Variants in VSIG10L observed in about 807,000 individuals in gnomAD.
VSIG10L encodes V-set and immunoglobulin domain containing 10 like, also known as V-set and immunoglobulin domain-containing protein 10-like.
Under a neutral mutation model 67.3 loss-of-function variants are expected in VSIG10L, and 63 were observed. The observed-to-expected ratio is 0.94, with a 90% CI of 0.76 to 1.15. The LOEUF (loss-of-function observed/expected upper bound fraction) is 1.15. Among genes scored for constraint, VSIG10L ranks in the 50% most tolerant of loss-of-function variants. The pLI is 0.00. For missense variants in VSIG10L, 1,050 were observed against 1,177.5 expected, an observed-to-expected ratio of 0.89 and a Z score of 1.58; for synonymous variants, 499 against 524.9, an observed-to-expected ratio of 0.95 and a Z score of 0.67.
At chr19:51,333,357 C>T (rs921426864) in intron 9 of VSIG10L, among the ~76,000 whole-genome samples, 7 of 152,066 alleles carry the variant, frequency 4.6e-5, no homozygotes, top group African/African-American at 1.7e-4. Flanking sequence ...GGTGAAATCC[C>T]GTCTGTACTA....
In VSIG10L at chr19:51,333,894, G is replaced by T. The variant is rs995660138; in HGVS notation, c.2471C>A (p.Thr824Asn). The T allele has an allele frequency of 5.2e-6, 8 of 1,551,730 alleles. No homozygotes were observed. Among genetic ancestry groups the T allele is most frequent in the Non-Finnish European group, 7.0e-6 (8 of 1,146,992 alleles). The stretch of plus-strand genomic sequence containing the variant: ...ACTATGCATCTTCTTTTCTGAGGGG[G>T]TGACCACGGGGACCAAGGTAGAAGG... ...KHPSTLVPVV[T>N]PSEKKMHSVT... The change falls in exon 9 of 10, where the codon ACC (threonine) becomes AAC (asparagine). Residue 824 changes from threonine (T) to asparagine (N), a missense_variant. Around this residue, in one of 3 missense-constraint regions of VSIG10L, gnomAD observed 529 missense variants for 584.9 expected, o/e 0.90. Coordinates refer to ENST00000335624, the MANE Select transcript of VSIG10L (RefSeq NM_001163922.3).
intron 4 of VSIG10L, chr19:51,339,806 T>A: frequency 1.9e-6 from 1 of 537,756 alleles, no homozygotes; most frequent in Admixed American, 4.7e-5. Flanking sequence ...GCCCCGCCTC[T>A]TATCCTAGGT....
At position 51,333,773 on chromosome 19, in the gene VSIG10L, G is replaced by A; in HGVS notation, c.2574+18C>T. On this transcript the variant is annotated intron_variant, in intron 9 of 9. Coordinates refer to ENST00000335624, the MANE Select transcript of VSIG10L (RefSeq NM_001163922.3). ...TTCCGCCCCGATTCCAGGAGGAAAT[G>A]AGGGCACCCACACTCACTTGGTAGG... 6.6e-7 allele frequency: 1 copy of A among 1,517,168 alleles called. No individual in the cohort carries two copies. The highest frequency in any genetic ancestry group is 8.8e-7 in the Non-Finnish European group (1 of 1,132,172). The allele number at this position is 1,517,168 out of a possible 1,614,324, so 94.0% of individuals were successfully genotyped here. A position where few individuals can be genotyped will look rare whatever the true frequency, so the allele number is the denominator to read the frequency against.
intron 7 of VSIG10L, 119 bp downstream of exon 7, chr19:51,337,119 G>A (rs150711365): frequency 8.0e-7 from 1 of 1,251,772 alleles, no homozygotes; most frequent in East Asian, 2.6e-5. Context: ...AGAAATTCCT[G>A]TAGTCTCAAG....
rs764861644 is a variant in VSIG10L at position 51,340,424 on chromosome 19, C to G, written c.1189+9G>C. 14 of 1,480,338 alleles carry G rather than the reference C, an allele frequency of 9.5e-6. 2 individuals carry two copies. In the South Asian group the frequency reaches 1.5e-4, roughly 16 times the overall value. The allele number at this position is 1,480,338 out of a possible 1,614,324, so 91.7% of individuals were successfully genotyped here. A position where few individuals can be genotyped will look rare whatever the true frequency, so the allele number is the denominator to read the frequency against. On this transcript the variant is annotated intron_variant, in intron 3 of 9. Transcript: ENST00000335624. This position sits in a 1 kb window ranked among gnomAD's most constrained non-coding sequence, Gnocchi z 6.3. ...CCCCTGTCCCCGACCCGAGGCATCC[C>G]CCACTCACAGAAGACGCTGACGTCG...
Position 51,333,529 on chromosome 19 carries a change from CAA to C in VSIG10L, c.2574+260_2574+261del, listed in dbSNP as rs1190779104. Among the ~76,000 whole-genome samples, 97 of 117,222 alleles carry C rather than the reference CAA, an allele frequency of 8.3e-4. No individual in the cohort carries two copies. The East Asian group carries it at 0.017, about 21-fold the overall frequency. 76.9% of individuals were successfully genotyped at this position (117,222 alleles called of 152,430 possible). A position where few individuals can be genotyped will look rare whatever the true frequency, so the allele number is the denominator to read the frequency against. On this transcript the variant is annotated intron_variant, in intron 9 of 9. Coordinates refer to ENST00000335624, the MANE Select transcript of VSIG10L (RefSeq NM_001163922.3). The stretch of plus-strand genomic sequence containing the variant: ...GGGCAACAAAGTGAGACTCTGTCTC[CAA>C]AAAAAAAAAAAAGAGAGAGAGAGAT...
intron 7 of VSIG10L, 108 bp downstream of exon 7, chr19:51,337,130 C>T: frequency 7.7e-7 from 1 of 1,302,904 alleles, no homozygotes. Context: ...TAGTCTCAAG[C>T]CATGCAGTTC....
Position 51,340,564 on chromosome 19 carries a change from G to T in VSIG10L, c.1058C>A (p.Thr353Lys), listed in dbSNP as rs745928126. Residue 353 changes from threonine to lysine, a missense_variant, in exon 3 of 10, where the codon ACG (threonine) becomes AAG (lysine). Coordinates refer to ENST00000335624, the MANE Select transcript of VSIG10L (RefSeq NM_001163922.3). This position sits in a 1 kb window ranked among gnomAD's most constrained non-coding sequence, Gnocchi z 6.3. ...GTCGCCCTCTGAGCGCATCCGGGGC[G>T]TCTCGGCTCCCTCCGATTCCGCCGC... ...LEAAESEGAE[T>K]PRMRSEGDQL... The T allele has an allele frequency of 2.0e-6, 3 of 1,535,730 alleles. No individual in the cohort carries two copies. The highest frequency in any genetic ancestry group is 1.2e-5 in the South Asian group (1 of 83,994).
intron 7 of VSIG10L, among the ~76,000 whole-genome samples, 182 bp downstream of exon 7, chr19:51,337,056 G>C (rs994218979): frequency 6.6e-6 from 1 of 152,158 alleles, no homozygotes; most frequent in Non-Finnish European, 1.5e-5. Flanking sequence ...GTGAGCCACC[G>C]CGCCCAGCCG....
chr19:51,332,491 G>T lies in VSIG10L; in HGVS notation c.*120C>A. On this transcript the variant is annotated 3_prime_UTR_variant, in exon 10 of 10. Coordinates refer to ENST00000335624, the MANE Select transcript of VSIG10L (RefSeq NM_001163922.3). ...TTTCAGGGTCCAACCCTCAGTCATA[G>T]CAGGCCCTGGCTGCTGCTGGAGTGA... 8.4e-7 allele frequency: 1 copy of T among 1,187,538 alleles called. No homozygotes were observed. Among genetic ancestry groups the T allele is most frequent in the Non-Finnish European group, 1.2e-6 (1 of 816,190 alleles). 73.6% of individuals were successfully genotyped at this position (1,187,538 alleles called of 1,614,324 possible). A position where few individuals can be genotyped will look rare whatever the true frequency, so the allele number is the denominator to read the frequency against.
chr19:51,332,500 G>C lies in VSIG10L; in HGVS notation c.*111C>G. ...CCAACCCTCAGTCATAGCAGGCCCT[G>C]GCTGCTGCTGGAGTGAAATAGGAAG... On this transcript the variant is annotated 3_prime_UTR_variant, in exon 10 of 10. Transcript: ENST00000335624. The C allele has an allele frequency of 7.8e-7, 1 of 1,286,620 alleles. No individual in the cohort carries two copies. The highest frequency in any genetic ancestry group is 2.0e-5 in the Admixed American group (1 of 50,638). 79.7% of individuals were successfully genotyped at this position (1,286,620 alleles called of 1,614,324 possible).
rs768950880 is a variant in VSIG10L, at chr19:51,340,677, C to T, written c.945G>A (p.Glu315=). ...AGCGCAGCCGGAGCTCGGCCGCCCC[C>T]TCCTCTGTCTCTGGAGCCTTGGGCT... ...SVQPKAPETE[E]GAAELRLRCL... Residue 315 remains glutamate (E), a synonymous_variant, in exon 3 of 10, where the codon GAG becomes GAA. Transcript: ENST00000335624. This position sits in a 1 kb window ranked among gnomAD's most constrained non-coding sequence, Gnocchi z 6.3. The T allele has an allele frequency of 1.0e-5, 16 of 1,527,368 alleles. No individual in the cohort carries two copies. The highest frequency in any genetic ancestry group is 1.4e-5 in the Non-Finnish European group (16 of 1,142,532). 94.6% of individuals were successfully genotyped at this position (1,527,368 alleles called of 1,614,324 possible). A position where few individuals can be genotyped will look rare whatever the true frequency, so the allele number is the denominator to read the frequency against.
Position 51,337,412 on chromosome 19 carries a change from G to C in VSIG10L, c.2131C>G (p.Leu711Val), listed in dbSNP as rs1330803363. The stretch of plus-strand genomic sequence containing the variant: ...TCCCTGTAGGTGGAAGTCCTGCCCA[G>C]AGCAGGCCCATCTGGCCATGCCTGG... ...EIQAWPDGPA[L>V]GRTSTYRDWV... The change falls in exon 7 of 10, where the codon CTG (leucine) becomes GTG (valine). Residue 711 changes from leucine to valine, a missense_variant. This residue lies in a region of VSIG10L where 529 missense variants were observed against 584.9 expected (regional missense o/e 0.90). Transcript: ENST00000335624. 9.0e-6 allele frequency: 14 copies of C among 1,551,642 alleles called. No homozygotes were observed. The East Asian group carries it at 9.8e-5, about 11-fold the overall frequency.
At chr19:51,337,893 C>T (rs919438177) in intron 6 of VSIG10L, 37 bp downstream of exon 6, 9 of 1,509,188 alleles carry the variant, frequency 6.0e-6, no homozygotes, top group East Asian at 2.5e-5. Context: ...CGGCTGGGGA[C>T]GTGGACTTCA....
Position 51,342,116 on chromosome 19 carries a change from G to A in VSIG10L, c.9C>T (p.Asn3=). Residue 3 remains asparagine, a synonymous_variant, in exon 1 of 10, where the codon AAC becomes AAT. Coordinates refer to ENST00000335624, the MANE Select transcript of VSIG10L (RefSeq NM_001163922.3). The surrounding 1 kb of genome is among the most constrained non-coding windows in gnomAD (Gnocchi z 4.4). MD[N]PQALPLFLLL... ...GTAGGAAGAGTGGCAGAGCCTGTGG[G>A]TTGTCCATGGTGCTGGCCTCACTGA... 1 of 1,551,588 alleles carries A rather than the reference G, an allele frequency of 6.4e-7. No individual in the cohort carries two copies. Among genetic ancestry groups the A allele is most frequent in the South Asian group, 1.2e-5 (1 of 84,060 alleles).
chr19:51,332,531 G>GC lies in VSIG10L; in HGVS notation c.*79dup. On this transcript the variant is annotated 3_prime_UTR_variant, in exon 10 of 10. Transcript: ENST00000335624. ...TGCTGGAGTGAAATAGGAAGTTCTG[G>GC]CCCAAAACGCCCTGTGCAGGGCAGA... The GC allele has an allele frequency of 6.6e-7, 1 of 1,507,238 alleles. No homozygotes were observed. The highest frequency in any genetic ancestry group is 9.0e-7 in the Non-Finnish European group (1 of 1,106,716). 93.4% of individuals were successfully genotyped at this position (1,507,238 alleles called of 1,614,324 possible).
chr19:51,336,923 C>T (rs1394008343), intron 7 of VSIG10L, among the ~76,000 whole-genome samples: 6 of 152,054 alleles, frequency 3.9e-5, no homozygotes, highest in South Asian at 2.1e-4. Flanking sequence ...CCCGCCACCG[C>T]GCCAGGCTAA....
At position 51,333,886 on chromosome 19, in the gene VSIG10L, CT is replaced by C; in HGVS notation, c.2478del (p.Glu827LysfsTer7). ...PSTLVPVVTP[S>X]EKKMHSVTPV... ...GGGGTCACACTATGCATCTTCTTTT[CT>C]GAGGGGGTGACCACGGGGACCAAGG... On this transcript the variant is annotated frameshift_variant, in exon 9 of 10. Coordinates refer to ENST00000335624, the MANE Select transcript of VSIG10L (RefSeq NM_001163922.3). LOFTEE classifies it high-confidence loss of function. The C allele has an allele frequency of 6.4e-7, 1 of 1,551,702 alleles. No individual in the cohort carries two copies. The highest frequency in any genetic ancestry group is 8.7e-7 in the Non-Finnish European group (1 of 1,147,000).
rs1212684067 is a variant in VSIG10L at position 51,338,133 on chromosome 19, G to A, written c.1805C>T (p.Ala602Val). 5 of 1,544,200 alleles carry A rather than the reference G, an allele frequency of 3.2e-6. No individual in the cohort carries two copies. Among genetic ancestry groups the A allele is most frequent in the Non-Finnish European group, 3.5e-6 (4 of 1,143,126 alleles). Residue 602 changes from alanine (A) to valine (V), a missense_variant, in exon 6 of 10, where the codon GCC (alanine) becomes GTC (valine). By Grantham distance (64) the Ala-to-Val change is moderately conservative. Transcript: ENST00000335624. ...CCGTGAGGGTGGGGGACAACCAGAG[G>A]CCTCCAGTGCCACCTCTGCCTCCCC... The part of the protein sequence containing the change: ...RLGEAEVALE[A>V]SGCPPPSRAS...
Sources: gnomAD v4.1 joint callset for allele counts (sites outside exome capture counted in the v4.1 genomes callset) on GRCh38, gnomAD v4.1.1 for gene constraint, gnomAD v4.1.1 regional missense constraint, Gnocchi (gnomAD v3.1) non-coding constraint, MANE v1.5 for transcripts, NCBI Gene and HGNC (gene_info 2026-07-23, HGNC 2026-07-21) for gene names.